Variants in ANAPC7 observed in about 807,000 individuals in gnomAD.
ANAPC7 encodes the protein anaphase promoting complex subunit 7.
Under a neutral mutation model 63.3 loss-of-function variants are expected in ANAPC7, and 25 were observed. The ratio of observed to expected loss-of-function variants is 0.39; its 90% CI spans 0.29 to 0.55. The LOEUF (loss-of-function observed/expected upper bound fraction) is 0.55. Among genes scored for constraint, ANAPC7 ranks in the 20% least tolerant of loss-of-function variants. ANAPC7 has a pLI of 0.57. For synonymous variants in ANAPC7, 241 were observed against 251.7 expected, an observed-to-expected ratio of 0.96 and a Z score of 0.40; for missense variants, 516 against 691.7, an observed-to-expected ratio of 0.75 and a Z score of 2.85.
rs1272087847 is a variant in ANAPC7 at position 110,372,936 on chromosome 12, T to C, written c.*1208A>G. On this transcript the variant is annotated 3_prime_UTR_variant, in exon 11 of 11. Coordinates refer to ENST00000455511, the MANE Select transcript of ANAPC7 (RefSeq NM_016238.3). ...CATTTTAAATTGCAGTTATCAGATGTTCTGAGCTCATTAACTACTGTACAC... is the reference window on the plus strand; with the variant it reads ...CATTTTAAATTGCAGTTATCAGATGCTCTGAGCTCATTAACTACTGTACAC... 1 of 152,250 alleles carries C rather than the reference T, an allele frequency of 6.6e-6. No individual in the cohort carries two copies. Among genetic ancestry groups the C allele is most frequent in the Non-Finnish European group, 1.5e-5 (1 of 68,046 alleles). 9.4% of individuals were successfully genotyped at this position (152,250 alleles called of 1,614,324 possible).
chr12:110,396,015 A>T (rs1333821362), intron 2 of ANAPC7, among the ~76,000 whole-genome samples: 3 of 152,192 alleles, frequency 2.0e-5, no homozygotes, highest in Admixed American at 2.0e-4. Context: ...GATTATAATA[A>T]GGAACACACA....
intron 7 of ANAPC7, among the ~76,000 whole-genome samples, chr12:110,382,462 AT>A (rs377434453): frequency 0.047 from 2,496 of 53,114 alleles, 37 homozygotes; most frequent in South Asian, 0.073. Flanking sequence ...AAAAAAAAAA[AT>A]ATATATATAT....
Position 110,381,929 on chromosome 12 carries a change from T to A in ANAPC7, c.955A>T (p.Lys319Ter), listed in dbSNP as rs1881881838. The A allele has an allele frequency of 6.5e-7, 1 of 1,542,324 alleles. No individual in the cohort carries two copies. Among genetic ancestry groups the A allele is most frequent in the Non-Finnish European group, 8.8e-7 (1 of 1,135,558 alleles). The change falls in exon 8 of 11, where the codon AAA (lysine) becomes TAA (stop). Residue 319 changes from lysine to a stop codon, truncating the protein, a stop_gained. Transcript: ENST00000455511. LOFTEE classifies it high-confidence loss of function. ...AAATAGAGGGCCCGGGAGTAGCGTT[T>A]GCTATAGAAGCTGTGACAGCTGGAG... is the stretch of plus-strand genomic sequence containing the variant. ...VVSGCHSFYS[K>*]RYSRALYLGA...
At chr12:110,393,336 C>T (rs1236172284) in intron 3 of ANAPC7, among the ~76,000 whole-genome samples, 2 of 152,122 alleles carry the variant, frequency 1.3e-5, no homozygotes, top group Non-Finnish European at 2.9e-5. Context: ...ATCATTATTT[C>T]CTATAATAAG....
intron 3 of ANAPC7, 110 bp from the exon 4 acceptor site, chr12:110,388,733 A>G: frequency 1.3e-6 from 1 of 786,876 alleles, no homozygotes; most frequent in Non-Finnish European, 2.1e-6. Flanking sequence ...TTTACTGGAA[A>G]ATCTACCCAC....
intron 6 of ANAPC7, among the ~76,000 whole-genome samples, chr12:110,385,257 A>C (rs1341858932): frequency 6.6e-6 from 1 of 151,962 alleles, no homozygotes; most frequent in African/African-American, 2.4e-5. Context: ...CAAGAGTGAA[A>C]CTCCGTCTCA....
At chr12:110,397,293 G>A (rs1030004965) in intron 1 of ANAPC7, among the ~76,000 whole-genome samples, 4 of 151,992 alleles carry the variant, frequency 2.6e-5, no homozygotes, top group South Asian at 4.1e-4. Context: ...GGTGGCTCAC[G>A]CCTGTAACCC....
chr12:110,389,688 T>C (rs942665089), intron 3 of ANAPC7, among the ~76,000 whole-genome samples: 10 of 152,220 alleles, frequency 6.6e-5, no homozygotes, highest in African/African-American at 1.7e-4. Context: ...TCCCAGCACT[T>C]TGGGAGGCCG....
chr12:110,400,491 A>C (rs1193133368), intron 1 of ANAPC7, among the ~76,000 whole-genome samples: 1 of 152,224 alleles, frequency 6.6e-6, no homozygotes, highest in Non-Finnish European at 1.5e-5. Context: ...GGAAACTGCC[A>C]ATCTAACCCA....
chr12:110,383,979 G>T (rs968602518), intron 6 of ANAPC7, among the ~76,000 whole-genome samples: 1 of 150,994 alleles, frequency 6.6e-6, no homozygotes, highest in African/African-American at 2.4e-5. Flanking sequence ...GAGGCAGGTG[G>T]ATCACGAGGT....
chr12:110,382,056 C>A, intron 7 of ANAPC7, 108 bp from the exon 8 acceptor site: 1 of 1,115,132 alleles, frequency 9.0e-7, no homozygotes, highest in South Asian at 1.7e-5. Context: ...GAACATAATC[C>A]TTATTCCAAA....
intron 3 of ANAPC7, among the ~76,000 whole-genome samples, chr12:110,394,826 A>C (rs759068447): frequency 9.9e-5 from 15 of 152,148 alleles, no homozygotes; most frequent in Non-Finnish European, 2.1e-4. Context: ...AGCCTGGGTG[A>C]CAGTGAGACT....
intron 1 of ANAPC7, among the ~76,000 whole-genome samples, chr12:110,397,995 G>A (rs1485509680): frequency 6.6e-6 from 1 of 151,898 alleles, no homozygotes; most frequent in Non-Finnish European, 1.5e-5. Flanking sequence ...CCTGTAATCC[G>A]AGCACTTTGG....
rs368802086 is a variant in ANAPC7, at chr12:110,374,123, G to A, written c.*21C>T. On this transcript the variant is annotated 3_prime_UTR_variant, in exon 11 of 11. Transcript: ENST00000455511. ...TGCTCAGAGCAGGGCAGGCCACTGC[G>A]GCCATGGAGCTGCCGCCCCCTCACT... is the stretch of plus-strand genomic sequence containing the variant. The A allele has an allele frequency of 8.5e-5, 135 of 1,596,222 alleles. No individual in the cohort carries two copies. Among genetic ancestry groups the A allele is most frequent in the Non-Finnish European group, 1.1e-4 (129 of 1,173,412 alleles).
intron 8 of ANAPC7, chr12:110,378,403 G>C (rs1436810614): frequency 6.6e-6 from 1 of 152,140 alleles, no homozygotes; most frequent in Admixed American, 6.6e-5. Flanking sequence ...CTGGCTCCTA[G>C]AGTCTTAAAG....
Position 110,385,487 on chromosome 12 carries a change from T to C in ANAPC7, c.817+840A>G, listed in dbSNP as rs145316741. On this transcript the variant is annotated intron_variant, in intron 6 of 10. Transcript: ENST00000455511. ...CTGGGTCTGAGATTCCAAGCTGCCA[T>C]TGCCATTCCAAGCTGCCAGCTGTTG... Among the ~76,000 whole-genome samples, 1,143 of 152,304 alleles carry C rather than the reference T, an allele frequency of 7.5e-3. 1 individual carries two copies. Among genetic ancestry groups the C allele is most frequent in the Non-Finnish European group, 0.01 (697 of 68,032 alleles).
At position 110,387,767 on chromosome 12, in the gene ANAPC7, C is replaced by A. The variant is rs772180548; in HGVS notation, c.646G>T (p.Asp216Tyr). The change falls in exon 5 of 11, where the codon GAC (aspartate) becomes TAC (tyrosine). Residue 216 changes from aspartate to tyrosine, a missense_variant. By Grantham distance (160) the Asp-to-Tyr change is radical. Around this residue, in one of 4 missense-constraint regions of ANAPC7, gnomAD observed 199 missense variants for 249.3 expected, o/e 0.80. Transcript: ENST00000455511. ...ATGGTACTGATTGCTCTTGAGTTGT[C>A]ACCAGTGTGCACAAAAGCATACGCT... ...IKAYAFVHTG[D>Y]NSRAISTICS... The A allele has an allele frequency of 6.2e-7, 1 of 1,613,936 alleles. No individual in the cohort carries two copies. Among genetic ancestry groups the A allele is most frequent in the Non-Finnish European group, 8.5e-7 (1 of 1,179,838 alleles).
In ANAPC7 at chr12:110,395,214, G is replaced by C; in HGVS notation, c.295C>G (p.Pro99Ala). The C allele has an allele frequency of 6.2e-7, 1 of 1,609,964 alleles. No homozygotes were observed. Among genetic ancestry groups the C allele is most frequent in the Non-Finnish European group, 8.5e-7 (1 of 1,178,520 alleles). The change falls in exon 3 of 11, where the codon CCA becomes GCA. Residue 99 changes from proline to alanine, a missense_variant. Physicochemically the swap from Pro to Ala is conservative, Grantham distance 27. This residue lies in a region of ANAPC7 where 185 missense variants were observed against 200.3 expected (regional missense o/e 0.92). Coordinates refer to ENST00000455511, the MANE Select transcript of ANAPC7 (RefSeq NM_016238.3). Reference sequence around the variant, plus strand: ...TTGTATTTCACTTCAATTTCAGATGGAAGACACTAAAAGACAATGGAAATA... The same window carrying C: ...TTGTATTTCACTTCAATTTCAGATGCAAGACACTAAAAGACAATGGAAATA... ...SASTPQSQCL[P>A]SEIEVKYKMA...
rs1880998652 is a variant in ANAPC7 at position 110,373,533 on chromosome 12, G to C, written c.*611C>G. The C allele has an allele frequency of 1.3e-5, 2 of 152,256 alleles. No homozygotes were observed. Among genetic ancestry groups the C allele is most frequent in the South Asian group, 4.1e-4 (2 of 4,828 alleles). The allele number at this position is 152,256 out of a possible 1,614,324, so 9.4% of individuals were successfully genotyped here. On this transcript the variant is annotated 3_prime_UTR_variant, in exon 11 of 11. Coordinates refer to ENST00000455511, the MANE Select transcript of ANAPC7 (RefSeq NM_016238.3). Reference sequence around the variant, plus strand: ...TGCCCCAGGTGCACCTCTGGTTCATGCTCTTGTCACACCTGTTTCTCAGAT... The same window carrying C: ...TGCCCCAGGTGCACCTCTGGTTCATCCTCTTGTCACACCTGTTTCTCAGAT...
Sources: allele counts gnomAD v4.1 joint callset (sites outside exome capture counted in the v4.1 genomes callset), GRCh38; gene constraint gnomAD v4.1.1; regional missense constraint gnomAD v4.1.1; transcripts MANE v1.5; gene names NCBI Gene and HGNC (gene_info 2026-07-23, HGNC 2026-07-21).